Variants in LAMA2 observed in about 807,000 individuals in gnomAD.
The protein encoded by LAMA2 is laminin subunit alpha 2, also known as laminin subunit alpha-2.
A neutral mutation model predicts 364.8 loss-of-function variants in LAMA2; 269 were observed. The observed-to-expected ratio is 0.74, with a 90% CI of 0.67 to 0.82. LAMA2 has a LOEUF of 0.82. Among genes scored for constraint, LAMA2 ranks in the 40% least tolerant of loss-of-function variants. The pLI is 0.00. For synonymous variants in LAMA2, 1,379 were observed against 1,370.6 expected (o/e 1.01, Z -0.14); for missense variants, 3,807 against 3,873.2 (o/e 0.98, Z 0.45).
chr6:129,023,926 T>C (rs190651699), intron 1 of LAMA2, among the ~76,000 whole-genome samples: 1 of 152,298 alleles, frequency 6.6e-6, no homozygotes. Context: ...TTCAGTCCAT[T>C]TTTGTTGTTG....
rs143026295 is a variant in LAMA2 at position 129,507,540 on chromosome 6, C to T, written c.8755C>T (p.Pro2919Ser). 604 of 1,614,044 alleles carry T rather than the reference C, an allele frequency of 3.7e-4. 1 individual carries two copies. The African/African-American group carries it at 7.4e-3, about 20-fold the overall frequency. Reference protein sequence around the residue: ...CVRNLHMAEAPADLEQPTSSF... With the variant: ...CVRNLHMAEASADLEQPTSSF... ...CAGGAATCTCCACATGGCAGAGGCC[C>T]CTGCCGATCTGGAACAACCCACCTC... The change falls in exon 62 of 65, where the codon CCT becomes TCT. Residue 2919 changes from proline (P) to serine (S), a missense_variant. This residue lies in a region of LAMA2 where 3,333 missense variants were observed against 3,345.7 expected (regional missense o/e 1.00). Coordinates refer to ENST00000421865, the MANE Select transcript of LAMA2 (RefSeq NM_000426.4).
intron 21 of LAMA2, among the ~76,000 whole-genome samples, chr6:129,298,774 T>C (rs1773363117): frequency 6.6e-6 from 1 of 152,160 alleles, no homozygotes; most frequent in Non-Finnish European, 1.5e-5. Flanking sequence ...TCTCCAGCAC[T>C]TTAGATATGT....
At chr6:129,422,843 T>G (rs1301552426) in intron 40 of LAMA2, among the ~76,000 whole-genome samples, 1 of 152,066 alleles carries the variant, frequency 6.6e-6, no homozygotes, top group Non-Finnish European at 1.5e-5. Flanking sequence ...GAGGCCAGTA[T>G]TACTCTGATA....
chr6:129,048,498 TTCCTTCCTTCCTTCCTTCC>T (rs1787729875), intron 1 of LAMA2, among the ~76,000 whole-genome samples: 1 of 32,352 alleles, frequency 3.1e-5, no homozygotes, highest in African/African-American at 1.1e-4. Context: ...CTTTCTTTCC[TTCCTTCCTTCCTTCCTTCC>T]TTCCTTCCTT....
rs550743383 is a variant in LAMA2, at chr6:129,066,340, C to T, written c.396+6444C>T. On this transcript the variant is annotated intron_variant, in intron 3 of 64. Transcript: ENST00000421865. ...GATTACAGGCGTGAGCCACCGCGCC[C>T]GGCCTCAGGTATGTCTTTATCAGCA... Among the ~76,000 whole-genome samples, 20 of 152,138 alleles carry T rather than the reference C, an allele frequency of 1.3e-4. No homozygotes were observed. The South Asian group carries it at 3.7e-3, about 28-fold the overall frequency.
chr6:129,278,630 G>T (rs1369141325), intron 17 of LAMA2, among the ~76,000 whole-genome samples: 1 of 152,116 alleles, frequency 6.6e-6, no homozygotes, highest in Admixed American at 6.6e-5. Context: ...TATAAAAGGA[G>T]ATTCTTTACT....
intron 19 of LAMA2, among the ~76,000 whole-genome samples, chr6:129,288,923 G>A (rs535910156): frequency 3.9e-5 from 6 of 152,238 alleles, no homozygotes; most frequent in African/African-American, 1.4e-4. Context: ...TTATGTGAGA[G>A]ACTCTTCCAA....
Position 129,316,079 on chromosome 6 carries a change from A to G in LAMA2, c.3966A>G (p.Arg1322=). The stretch of plus-strand genomic sequence containing the variant: ...ATGGGGATGATCCTCGAGTCCATAG[A>G]ACTGTGACCCGAGAAGACTTCTTGG... The part of the protein sequence containing the change: ...KYYGDDPRVH[R]TVTREDFLDI... Residue 1322 remains arginine, a synonymous_variant, in exon 27 of 65, where the codon AGA becomes AGG. Transcript: ENST00000421865. 1 of 1,612,582 alleles carries G rather than the reference A, an allele frequency of 6.2e-7. No individual in the cohort carries two copies. Among genetic ancestry groups the G allele is most frequent in the Non-Finnish European group, 8.5e-7 (1 of 1,178,586 alleles).
At position 129,460,203 on chromosome 6, in the gene LAMA2, G is replaced by A. The variant is rs1385528581; in HGVS notation, c.6871G>A (p.Ala2291Thr). 3 of 1,611,816 alleles carry A rather than the reference G, an allele frequency of 1.9e-6. No individual in the cohort carries two copies. The highest frequency in any genetic ancestry group is 2.5e-6 in the Non-Finnish European group (3 of 1,178,520). ...VGGLTGKLKK[A>T]DAVRVITFTG... ...ATAACGGTATTTCTTTCTGCAGAAG[G>A]CTGATGCTGTACGTGTGATTACATT... The change falls in exon 49 of 65, where the codon GCT (alanine) becomes ACT (threonine). Residue 2291 changes from alanine to threonine, a missense_variant. Ala to Thr is a moderately conservative substitution (Grantham distance 58, BLOSUM62 0). Around this residue, in one of 3 missense-constraint regions of LAMA2, gnomAD observed 3,333 missense variants for 3,345.7 expected, o/e 1.00. Coordinates refer to ENST00000421865, the MANE Select transcript of LAMA2 (RefSeq NM_000426.4).
At chr6:129,323,957 A>T (rs1583493713) in intron 28 of LAMA2, among the ~76,000 whole-genome samples, 1 of 152,148 alleles carries the variant, frequency 6.6e-6, no homozygotes, top group African/African-American at 2.4e-5. Context: ...TGATTTTTTT[A>T]AATCTCCAAA....
intron 8 of LAMA2, among the ~76,000 whole-genome samples, chr6:129,155,880 T>A (rs1402311900): frequency 2.0e-5 from 3 of 152,054 alleles, no homozygotes; most frequent in Non-Finnish European, 2.9e-5. Flanking sequence ...AATTTTAGAA[T>A]CAACTTGTCA....
At chr6:129,174,117 T>C (rs1033032989) in intron 9 of LAMA2, among the ~76,000 whole-genome samples, 3 of 152,064 alleles carry the variant, frequency 2.0e-5, no homozygotes, top group African/African-American at 7.2e-5. Flanking sequence ...ATGATTATTA[T>C]ATATTTTGAT....
intron 40 of LAMA2, among the ~76,000 whole-genome samples, chr6:129,413,323 A>T (rs1780628365): frequency 6.6e-6 from 1 of 152,166 alleles, no homozygotes; most frequent in African/African-American, 2.4e-5. Flanking sequence ...TCAGAATGAG[A>T]ACATTTTCAT....
intron 37 of LAMA2, among the ~76,000 whole-genome samples, chr6:129,399,587 CTG>C (rs1390409286): frequency 6.6e-6 from 1 of 152,200 alleles, no homozygotes; most frequent in Non-Finnish European, 1.5e-5. Context: ...CTTTTAATCA[CTG>C]TGCCCTAGTA....
At chr6:129,308,020 C>T (rs533574786) in intron 22 of LAMA2, among the ~76,000 whole-genome samples, 1 of 152,292 alleles carries the variant, frequency 6.6e-6, no homozygotes, top group African/African-American at 2.4e-5. Flanking sequence ...TATGATAAAA[C>T]ATTTGAACCT....
intron 3 of LAMA2, among the ~76,000 whole-genome samples, chr6:129,094,813 G>T (rs923271848): frequency 1.3e-5 from 2 of 152,068 alleles, no homozygotes; most frequent in Non-Finnish European, 2.9e-5. Context: ...TCTCTTCCCT[G>T]GTTGTGTCTT....
intron 1 of LAMA2, among the ~76,000 whole-genome samples, chr6:129,014,956 T>G (rs1005491429): frequency 1.3e-5 from 2 of 152,042 alleles, no homozygotes; most frequent in Admixed American, 1.3e-4. Flanking sequence ...CATGAAGAAC[T>G]ATTTAGCCTT....
At chr6:129,038,794 A>G (rs1786866240) in intron 1 of LAMA2, among the ~76,000 whole-genome samples, 1 of 152,246 alleles carries the variant, frequency 6.6e-6, no homozygotes, top group African/African-American at 2.4e-5. Flanking sequence ...CATACCCTCA[A>G]TAGTAGACAC....
rs535836836 is a variant in LAMA2, at chr6:129,338,463, T to G, written c.4312-3880T>G. On this transcript the variant is annotated intron_variant, in intron 29 of 64. Coordinates refer to ENST00000421865, the MANE Select transcript of LAMA2 (RefSeq NM_000426.4). The stretch of plus-strand genomic sequence containing the variant: ...GCTACTGTTAAATATGGAATGGCTC[T>G]TTTATTGCTTAAAAATGGTGGTTCC... Among the ~76,000 whole-genome samples, 7 of 152,330 alleles carry G rather than the reference T, an allele frequency of 4.6e-5. No homozygotes were observed. The East Asian group carries it at 1.3e-3, about 29-fold the overall frequency.
Sources: gnomAD v4.1 joint callset for allele counts (sites outside exome capture counted in the v4.1 genomes callset) on GRCh38, gnomAD v4.1.1 for gene constraint, gnomAD v4.1.1 regional missense constraint, MANE v1.5 for transcripts, NCBI Gene and HGNC (gene_info 2026-07-23, HGNC 2026-07-21) for gene names.